TSPAN18: variants seen among roughly 807,000 people sequenced by gnomAD.
TSPAN18 encodes the protein tetraspanin-18.
In TSPAN18, 14 loss-of-function variants were observed where a neutral mutation model predicts 27.3. The ratio of observed to expected loss-of-function variants is 0.51; its 90% CI spans 0.34 to 0.80. The LOEUF is 0.80. Ranked by LOEUF, TSPAN18 falls within the 30% of genes least tolerant of loss-of-function variation. The probability of loss-of-function intolerance (pLI) is 0.01; values close to 1 mark genes in which losing one functional copy is unlikely to be tolerated. For synonymous variants in TSPAN18, 143 were observed against 136.5 expected, an observed-to-expected ratio of 1.05 and a Z score of -0.33; for missense variants, 268 against 323.9, an observed-to-expected ratio of 0.83 and a Z score of 1.32.
chr11:44,882,845 G>A (rs1858534730), intron 3 of TSPAN18, among the ~76,000 whole-genome samples: 1 of 152,126 alleles, frequency 6.6e-6, no homozygotes, highest in South Asian at 2.1e-4. Context: ...ACCCAAGGGC[G>A]CTGCCTTTTG....
intron 3 of TSPAN18, among the ~76,000 whole-genome samples, chr11:44,869,168 A>G (rs1858123278): frequency 6.6e-6 from 1 of 152,192 alleles, no homozygotes; most frequent in Non-Finnish European, 1.5e-5. Context: ...CTGGGCCGGG[A>G]GGGATTTTAA....
chr11:44,896,469 C>T (rs1859054872), intron 3 of TSPAN18, among the ~76,000 whole-genome samples: 1 of 152,082 alleles, frequency 6.6e-6, no homozygotes, highest in Non-Finnish European at 1.5e-5. Context: ...AGCACTGTAC[C>T]CCAAGTGCAC....
intron 3 of TSPAN18, among the ~76,000 whole-genome samples, chr11:44,896,274 G>A (rs921012945): frequency 1.6e-4 from 25 of 152,226 alleles, no homozygotes; most frequent in African/African-American, 6.0e-4. Context: ...TTCTGTAAAC[G>A]CCACTTTTGA....
At chr11:44,804,131 C>T (rs1056970199) in intron 2 of TSPAN18, among the ~76,000 whole-genome samples, 2 of 151,910 alleles carry the variant, frequency 1.3e-5, no homozygotes, top group African/African-American at 4.8e-5. Context: ...GAGACAGAGT[C>T]TCGCTCTGTC....
At chr11:44,922,973 G>C (rs1386453951) in intron 8 of TSPAN18, among the ~76,000 whole-genome samples, 1 of 152,206 alleles carries the variant, frequency 6.6e-6, no homozygotes, top group African/African-American at 2.4e-5. Flanking sequence ...GCCTGGCGTG[G>C]TGGCATGTGC....
intron 3 of TSPAN18, among the ~76,000 whole-genome samples, chr11:44,902,637 C>T (rs11038196): frequency 0.085 from 12,966 of 152,260 alleles, 765 homozygotes; most frequent in South Asian, 0.12. Context: ...AATCTCAGCC[C>T]TGCCCACTGC....
At chr11:44,808,766 C>A (rs1028068492) in intron 2 of TSPAN18, among the ~76,000 whole-genome samples, 1 of 152,168 alleles carries the variant, frequency 6.6e-6, no homozygotes. Flanking sequence ...GTGGACAGAT[C>A]TCGGTTCCGT....
In TSPAN18 at chr11:44,899,658, A is replaced by G. The variant is rs954421017; in HGVS notation, c.-10-6749A>G. Reference sequence around the variant, plus strand: ...GTGCTGTATGAGGGACTGTACCTCTATGATACCATTTCATGCTCAGCACAA... The same window carrying G: ...GTGCTGTATGAGGGACTGTACCTCTGTGATACCATTTCATGCTCAGCACAA... On this transcript the variant is annotated intron_variant, in intron 3 of 9. Coordinates refer to ENST00000520358, the MANE Select transcript of TSPAN18 (RefSeq NM_130783.5). Among the ~76,000 whole-genome samples, 3 of 152,334 alleles carry G rather than the reference A, an allele frequency of 2.0e-5. 1 individual carries two copies. Among genetic ancestry groups the G allele is most frequent in the Middle Eastern group, 6.8e-3 (2 of 294 alleles).
chr11:44,853,856 CG>C (rs1857663314), intron 2 of TSPAN18, among the ~76,000 whole-genome samples: 1 of 152,048 alleles, frequency 6.6e-6, no homozygotes, highest in Non-Finnish European at 1.5e-5. Context: ...CTGGGCCTCC[CG>C]GTTCTGTGTG....
intron 2 of TSPAN18, among the ~76,000 whole-genome samples, chr11:44,841,294 A>C (rs1433808886): frequency 6.6e-6 from 1 of 152,190 alleles, no homozygotes; most frequent in Non-Finnish European, 1.5e-5. Flanking sequence ...AGGCAGGTGG[A>C]TCACTTGAGG....
intron 2 of TSPAN18, among the ~76,000 whole-genome samples, chr11:44,772,085 C>A (rs925570314): frequency 2.0e-5 from 3 of 152,266 alleles, no homozygotes; most frequent in Middle Eastern, 6.8e-3. Flanking sequence ...TCTTACTCAG[C>A]CTTTTGGTCT....
At chr11:44,897,000 C>T (rs901432473) in intron 3 of TSPAN18, among the ~76,000 whole-genome samples, 4 of 152,156 alleles carry the variant, frequency 2.6e-5, no homozygotes, top group African/African-American at 9.7e-5. Context: ...CCCAGGCAGG[C>T]TCGTACTTGG....
At position 44,868,361 on chromosome 11, in the gene TSPAN18, C is replaced by T. The variant is rs74515844; in HGVS notation, c.-11+7892C>T. Among the ~76,000 whole-genome samples the T allele has an allele frequency of 5.6e-3, 847 of 152,310 alleles. 11 individuals carry two copies. Among genetic ancestry groups the T allele is most frequent in the African/African-American group, 0.02 (822 of 41,568 alleles). ...CTGGGTGCTAGGCCTGGAATGGAGG[C>T]ACCAGGACATGCAAGAGCTGAGTGT... On this transcript the variant is annotated intron_variant, in intron 3 of 9. Coordinates refer to ENST00000520358, the MANE Select transcript of TSPAN18 (RefSeq NM_130783.5).
intron 2 of TSPAN18, among the ~76,000 whole-genome samples, chr11:44,767,840 C>T (rs971336092): frequency 6.6e-6 from 1 of 152,186 alleles, no homozygotes; most frequent in Non-Finnish European, 1.5e-5. Flanking sequence ...TTGTCCTTGG[C>T]ACTATTTGTT....
chr11:44,740,898 G>T (rs2134822246), intron 1 of TSPAN18, among the ~76,000 whole-genome samples: 1 of 152,296 alleles, frequency 6.6e-6, no homozygotes, highest in Non-Finnish European at 1.5e-5. Flanking sequence ...CGATTCTCCT[G>T]TCCCAAGTAG....
chr11:44,922,651 C>T (rs1011345851), intron 8 of TSPAN18, among the ~76,000 whole-genome samples: 5 of 152,026 alleles, frequency 3.3e-5, no homozygotes, highest in East Asian at 1.9e-4. Context: ...AGGGTGATGG[C>T]GGTAAAGACA....
chr11:44,805,209 T>C (rs1856567060), intron 2 of TSPAN18, among the ~76,000 whole-genome samples: 1 of 152,126 alleles, frequency 6.6e-6, no homozygotes, highest in African/African-American at 2.4e-5. Flanking sequence ...TGGGTGAGTC[T>C]CCTTGGCAGA....
rs1554938043 is a variant in TSPAN18, at chr11:44,908,769, G to GAAAGGAAAGGAA, written c.64-935_64-934insAAGGAAAGGAAA. Among the ~76,000 whole-genome samples, 15 of 71,700 alleles carry GAAAGGAAAGGAA rather than the reference G, an allele frequency of 2.1e-4. No individual in the cohort carries two copies. In the East Asian group the frequency reaches 4.8e-3, roughly 23 times the overall value. The allele number at this position is 71,700 out of a possible 152,430, so 47.0% of individuals were successfully genotyped here. Reference sequence around the variant, plus strand: ...AAGAGAGAGAGAGAGAGAGAGAAAGGAGAAAGAAAGAAAGAAAGAAAGAAA... The same window carrying GAAAGGAAAGGAA: ...AAGAGAGAGAGAGAGAGAGAGAAAGGAAAGGAAAGGAAAGAAAGAAAGAAAGAAAGAAAGAAA... On this transcript the variant is annotated intron_variant, in intron 4 of 9. Transcript: ENST00000520358.
chr11:44,906,340 G>A, intron 3 of TSPAN18, 67 bp from the exon 4 acceptor site: 2 of 1,439,024 alleles, frequency 1.4e-6, no homozygotes, highest in Non-Finnish European at 2.0e-6. Flanking sequence ...AACCCCTGGG[G>A]AGGGGCTGGG....
Sources: gnomAD v4.1 joint callset for allele counts (sites outside exome capture counted in the v4.1 genomes callset) on GRCh38, gnomAD v4.1.1 for gene constraint, MANE v1.5 for transcripts, NCBI Gene and HGNC (gene_info 2026-07-23, HGNC 2026-07-21) for gene names.